Variants in LAMA4 observed in about 807,000 individuals in gnomAD.
LAMA4 encodes laminin subunit alpha 4.
A neutral mutation model predicts 207.1 loss-of-function variants in LAMA4; 127 were observed. The ratio of observed to expected loss-of-function variants is 0.61; its 90% CI spans 0.53 to 0.71. The LOEUF (loss-of-function observed/expected upper bound fraction) is 0.71, where lower values mean the gene tolerates loss of function less well. LAMA4 is among the 30% of genes least tolerant of loss of function. The pLI, the probability that LAMA4 is intolerant of heterozygous loss-of-function variation, is 0.00. For missense variants in LAMA4, 2,093 were observed against 2,246.5 expected (o/e 0.93, Z 1.38); for synonymous variants, 761 against 816.0 (o/e 0.93, Z 1.15).
chr6:112,172,867 G>A lies in LAMA4; in HGVS notation c.1358-63C>T, dbSNP rs1267890726. ...CTCCTGTTCGCTTCCATTCCTCCCA[G>A]CATTTTGCAAAGTTGCAAAATTCTC... On this transcript the variant is annotated intron_variant, in intron 11 of 38. Coordinates refer to ENST00000230538, the MANE Select transcript of LAMA4 (RefSeq NM_001105206.3). The A allele has an allele frequency of 1.5e-5, 22 of 1,450,294 alleles. 1 individual carries two copies. The South Asian group carries it at 2.1e-4, about 14-fold the overall frequency. The allele number at this position is 1,450,294 out of a possible 1,614,324, so 89.8% of individuals were successfully genotyped here. A position where few individuals can be genotyped will look rare whatever the true frequency, so the allele number is the denominator to read the frequency against.
intron 14 of LAMA4, among the ~76,000 whole-genome samples, chr6:112,156,203 T>C (rs1780704512): frequency 6.6e-6 from 1 of 151,944 alleles, no homozygotes; most frequent in Admixed American, 6.6e-5. Flanking sequence ...GCCCCAGCCC[T>C]TCCTCAGCAC....
chr6:112,227,041 TTTTA>T (rs10610325), intron 2 of LAMA4, among the ~76,000 whole-genome samples: 28,525 of 141,526 alleles, frequency 0.2, 3,570 homozygotes, highest in East Asian at 0.47. Flanking sequence ...GCTTCGACTA[TTTTA>T]TTTATTTATT....
chr6:112,254,032 G>A lies in LAMA4; in HGVS notation c.119C>T (p.Ser40Leu), dbSNP rs1403331923. ...NAFPFDIEGS[S>L]AVGRQDPPET... ...AGGCGGGTCTTGCCTGCCAACCGCTGAGCTCCCTTCAATGTCAAAAGGAAA... is the reference window on the plus strand; with the variant it reads ...AGGCGGGTCTTGCCTGCCAACCGCTAAGCTCCCTTCAATGTCAAAAGGAAA... Residue 40 changes from serine (S) to leucine (L), a missense_variant, in exon 2 of 39, where the codon TCA (serine) becomes TTA (leucine). By Grantham distance (145) the Ser-to-Leu change is moderately radical. Coordinates refer to ENST00000230538, the MANE Select transcript of LAMA4 (RefSeq NM_001105206.3). 4.4e-6 allele frequency: 7 copies of A among 1,596,018 alleles called. No individual in the cohort carries two copies. The highest frequency in any genetic ancestry group is 6.0e-6 in the Non-Finnish European group (7 of 1,171,032).
chr6:112,135,820 G>C, intron 25 of LAMA4: 2 of 350,112 alleles, frequency 5.7e-6, no homozygotes, highest in South Asian at 4.9e-5. Context: ...ATGTATAGAA[G>C]TATCCTGTAG....
intron 3 of LAMA4, among the ~76,000 whole-genome samples, chr6:112,212,907 A>T (rs1223792337): frequency 1.3e-5 from 2 of 152,218 alleles, no homozygotes. Context: ...ACAGTAATAA[A>T]ATAGAGTTCA....
At chr6:112,190,417 T>A (rs764071) in intron 6 of LAMA4, among the ~76,000 whole-genome samples, 13 of 152,026 alleles carry the variant, frequency 8.6e-5, no homozygotes, top group East Asian at 5.8e-4. Flanking sequence ...GCATTTTTTT[T>A]ATTTAAAACT....
At chr6:112,223,505 T>C (rs992209681) in intron 2 of LAMA4, among the ~76,000 whole-genome samples, 74 of 152,360 alleles carry the variant, frequency 4.9e-4, no homozygotes, top group African/African-American at 1.8e-3. Flanking sequence ...ATCATTACCA[T>C]TTAATGACCT....
In LAMA4 at chr6:112,249,725, C is replaced by T. The variant is rs9487864; in HGVS notation, c.195+4231G>A. 3.5e-3 allele frequency among the ~76,000 whole-genome samples: 529 copies of T among 152,222 alleles called. 4 individuals carry two copies. Among genetic ancestry groups the T allele is most frequent in the African/African-American group, 0.012 (509 of 41,530 alleles). On this transcript the variant is annotated intron_variant, in intron 2 of 38. Coordinates refer to ENST00000230538, the MANE Select transcript of LAMA4 (RefSeq NM_001105206.3). ...TCATGGGAAGTGTTTACATCAGTAT[C>T]GGCATGTGGTAAGTACTCAACGAGT...
intron 2 of LAMA4, chr6:112,251,151 T>A (rs1787421784): frequency 6.6e-6 from 1 of 152,200 alleles, no homozygotes; most frequent in South Asian, 2.1e-4. Flanking sequence ...TACCCACAGG[T>A]GCTCTTCTTT....
chr6:112,141,530 T>C (rs782692172), intron 20 of LAMA4, 27 bp from the exon 21 acceptor site: 1 of 1,522,500 alleles, frequency 6.6e-7, no homozygotes, highest in African/African-American at 1.4e-5. Flanking sequence ...TAAGAAGTCA[T>C]TTAAATAAAA....
At chr6:112,225,117 C>T (rs919035065) in intron 2 of LAMA4, among the ~76,000 whole-genome samples, 4 of 151,916 alleles carry the variant, frequency 2.6e-5, no homozygotes, top group African/African-American at 4.8e-5. Flanking sequence ...TAATCCCTCC[C>T]CCAATTTTAT....
chr6:112,133,322 A>G (rs782034359), intron 27 of LAMA4, 27 bp downstream of exon 27: 65 of 1,612,664 alleles, frequency 4.0e-5, no homozygotes, highest in Non-Finnish European at 5.3e-5. Flanking sequence ...GTGTCTATTA[A>G]AAAGCTTTTG....
intron 2 of LAMA4, among the ~76,000 whole-genome samples, chr6:112,228,208 G>A (rs1180353706): frequency 6.6e-6 from 1 of 152,178 alleles, no homozygotes; most frequent in Non-Finnish European, 1.5e-5. Flanking sequence ...CAGCTGGCCT[G>A]GAGTTGAAAT....
Position 112,254,194 on chromosome 6 carries a change from T to TGTGGGTCTCC in LAMA4, c.-54_-45dup, listed in dbSNP as rs1787694825. 2.5e-6 allele frequency: 4 copies of TGTGGGTCTCC among 1,610,704 alleles called. No individual in the cohort carries two copies. Among genetic ancestry groups the TGTGGGTCTCC allele is most frequent in the Non-Finnish European group, 3.4e-6 (4 of 1,179,622 alleles). On this transcript the variant is annotated 5_prime_UTR_variant, in exon 2 of 39. Coordinates refer to ENST00000230538, the MANE Select transcript of LAMA4 (RefSeq NM_001105206.3). ...TAGTGCTCTTCCAGGGCTCGGGCGC[T>TGTGGGTCTCC]GTGGGTCTCCGTAGGTCTCCCGCGT...
chr6:112,241,382 G>A (rs1186184056), intron 2 of LAMA4, among the ~76,000 whole-genome samples: 1 of 151,714 alleles, frequency 6.6e-6, no homozygotes, highest in Non-Finnish European at 1.5e-5. Context: ...TTATTTAAAT[G>A]TTCTTTACAG....
At chr6:112,219,393 A>G (rs1282510443) in intron 2 of LAMA4, 3 of 152,140 alleles carry the variant, frequency 2.0e-5, no homozygotes, top group East Asian at 1.9e-4. Context: ...GTGAATGTCT[A>G]TGTATGAGAG....
intron 2 of LAMA4, among the ~76,000 whole-genome samples, chr6:112,238,095 A>G (rs1468305505): frequency 6.6e-6 from 1 of 152,114 alleles, no homozygotes; most frequent in Non-Finnish European, 1.5e-5. Context: ...CTTTTCCTCA[A>G]TCTCAAAGAT....
At chr6:112,181,865 G>T (rs1489456119) in intron 9 of LAMA4, among the ~76,000 whole-genome samples, 1 of 152,084 alleles carries the variant, frequency 6.6e-6, no homozygotes, top group East Asian at 1.9e-4. Context: ...TTGGGAGGCC[G>T]AGGCGGGTGG....
At chr6:112,183,998 G>A (rs906466623) in intron 9 of LAMA4, among the ~76,000 whole-genome samples, 1 of 148,892 alleles carries the variant, frequency 6.7e-6, no homozygotes, top group African/African-American at 2.5e-5. Flanking sequence ...GTTTTAGCAA[G>A]TTTCAACCAT....
Sources: gnomAD v4.1 joint callset for allele counts (sites outside exome capture counted in the v4.1 genomes callset) on GRCh38, gnomAD v4.1.1 for gene constraint, MANE v1.5 for transcripts, NCBI Gene and HGNC (gene_info 2026-07-23, HGNC 2026-07-21) for gene names.